The following HR variants were observed in gnomAD, a reference collection of about 807,000 sequenced individuals.
The protein encoded by HR is HR lysine demethylase and nuclear receptor corepressor, also known as lysine-specific demethylase hairless.
Under a neutral mutation model 128.6 loss-of-function variants are expected in HR, and 83 were observed. That is an observed-to-expected ratio of 0.65 (90% confidence interval 0.54 to 0.77). HR has a LOEUF of 0.77. HR is among the 30% of genes least tolerant of loss of function. The pLI, the probability that HR is intolerant of heterozygous loss-of-function variation, is 0.00. For synonymous variants in HR, 681 were observed against 658.2 expected (o/e 1.03, Z -0.53); for missense variants, 1,490 against 1,574.6 (o/e 0.95, Z 0.91).
chr8:22,122,759 C>T, intron 7 of HR, 31 bp downstream of exon 7: 2 of 1,545,376 alleles, frequency 1.3e-6, no homozygotes, highest in Non-Finnish European at 1.7e-6. Flanking sequence ...GACCCAACCT[C>T]TGCACGCCCC....
rs1178210332 is a variant in HR, at chr8:22,118,978, G to C, written c.3185C>G (p.Ala1062Gly). Residue 1062 changes from alanine to glycine, a missense_variant, in exon 16 of 19, where the codon GCC becomes GGC. This residue lies in a region of HR where 423 missense variants were observed against 495.9 expected (regional missense o/e 0.85). Transcript: ENST00000381418. ...TVWHVFRAQD[A>G]QRIRRFLQMV... ...CTGGAGAAAGCGGCGGATGCGCTGG[G>C]CGTCCTGTGCCCGGAACACGTGCCA... is the stretch of plus-strand genomic sequence containing the variant. 1.2e-6 allele frequency: 2 copies of C among 1,612,170 alleles called. No individual in the cohort carries two copies. Among genetic ancestry groups the C allele is most frequent in the Admixed American group, 3.3e-5 (2 of 60,026 alleles).
rs1316941082 is a variant in HR, at chr8:22,121,282, T to C, written c.2204-54A>G. ...TCGCGTTTGGTCCCTCCTCTTCCCC[T>C]CGAGGCCCTCTTGCCCATGCTGCTC... On this transcript the variant is annotated intron_variant, in intron 9 of 18. Coordinates refer to ENST00000381418, the MANE Select transcript of HR (RefSeq NM_005144.5). 1.9e-6 allele frequency: 3 copies of C among 1,592,600 alleles called. No individual in the cohort carries two copies. The African/African-American group carries it at 4.0e-5, about 21-fold the overall frequency.
At position 22,116,439 on chromosome 8, in the gene HR, G is replaced by A. The variant is rs1214965174; in HGVS notation, c.3379-11C>T. The A allele has an allele frequency of 6.2e-7, 1 of 1,613,382 alleles. No homozygotes were observed. Among genetic ancestry groups the A allele is most frequent in the Non-Finnish European group, 8.5e-7 (1 of 1,179,756 alleles). ...CACCAGGCCCTGCACCTGTGTCGGG[G>A]GGACATGGACAGTGAGGCTCAAGAT... On this transcript the variant is annotated splice_polypyrimidine_tract_variant and intron_variant, in intron 17 of 18. Coordinates refer to ENST00000381418, the MANE Select transcript of HR (RefSeq NM_005144.5). This position sits in a 1 kb window ranked among gnomAD's most constrained non-coding sequence, Gnocchi z 4.2.
At chr8:22,119,967 G>A (rs1415162782) in intron 13 of HR, 77 bp from the exon 14 acceptor site, 7 of 1,607,446 alleles carry the variant, frequency 4.4e-6, no homozygotes, top group East Asian at 2.2e-5. Flanking sequence ...CCACCACCGG[G>A]GTAACTCCCA....
intron 14 of HR, 63 bp downstream of exon 14, chr8:22,119,697 C>T: frequency 1.3e-6 from 2 of 1,548,436 alleles, no homozygotes; most frequent in Non-Finnish European, 8.7e-7. Flanking sequence ...CGCTCGTGTG[C>T]CCCGAGATGA....
rs371579555 is a variant in HR, at chr8:22,121,643, C to A, written c.2173G>T (p.Asp725Tyr). The A allele has an allele frequency of 5.6e-6, 9 of 1,613,996 alleles. No homozygotes were observed. Among genetic ancestry groups the A allele is most frequent in the Non-Finnish European group, 7.6e-6 (9 of 1,180,032 alleles). The change falls in exon 9 of 19, where the codon GAC becomes TAC. Residue 725 changes from aspartate to tyrosine, a missense_variant. Transcript: ENST00000381418. ...PPTPQPSCNGDTHRTKSIKEE... is the reference protein window; with the variant it reads ...PPTPQPSCNGYTHRTKSIKEE... ...TTGATGCTCTTGGTCCTGTGGGTGT[C>A]GCCATTGCAGGAAGGTTGTGGAGTT...
rs759533044 is a variant in HR, at chr8:22,128,505, C to T, written c.612+54G>A. 51 of 1,607,832 alleles carry T rather than the reference C, an allele frequency of 3.2e-5. No homozygotes were observed. The Middle Eastern group carries it at 8.2e-4, about 26-fold the overall frequency. ...AGTGGAAGGGCATCTTGGGGACCAC[C>T]GAGCAACTTTGCTAGGCCAGAGCCA... On this transcript the variant is annotated intron_variant, in intron 2 of 18. Transcript: ENST00000381418.
intron 6 of HR, 32 bp downstream of exon 6, chr8:22,123,617 T>TCCACCCCC: frequency 6.8e-6 from 2 of 292,092 alleles, no homozygotes; most frequent in South Asian, 3.0e-5. Flanking sequence ...GAGGGCTCCA[T>TCCACCCCC]CCCGCCCTCC....
At position 22,120,440 on chromosome 8, in the gene HR, G is replaced by T. The variant is rs748645922; in HGVS notation, c.2678C>A (p.Ala893Glu). Residue 893 changes from alanine (A) to glutamate (E), a missense_variant, in exon 12 of 19, where the codon GCA becomes GAA. By Grantham distance (107) the Ala-to-Glu change is moderately radical (BLOSUM62 -1). Around this residue, in one of 3 missense-constraint regions of HR, gnomAD observed 423 missense variants for 495.9 expected, o/e 0.85. Transcript: ENST00000381418. ...GNLWGTEALG[A>E]LGGQVQALSP... Reference sequence around the variant, plus strand: ...CAGCGCCTGCACCTGGCCTCCAAGTGCCCCAAGAGCTTCTGTCCCCCACAG... The same window carrying T: ...CAGCGCCTGCACCTGGCCTCCAAGTTCCCCAAGAGCTTCTGTCCCCCACAG... The T allele has an allele frequency of 3.1e-6, 5 of 1,613,936 alleles. No homozygotes were observed. The highest frequency in any genetic ancestry group is 4.2e-6 in the Non-Finnish European group (5 of 1,180,036).
At position 22,125,638 on chromosome 8, in the gene HR, A is replaced by G; in HGVS notation, c.1500T>C (p.Cys500=). The stretch of plus-strand genomic sequence containing the variant: ...CTCCTCCCTCTCCAGCTGCCTGGGC[A>G]CAACTTTGGCATTGAGCCAGTTTTG... ...LPAKLAQCQS[C]AQAAGEGGGH... Residue 500 remains cysteine (C), a synonymous_variant, in exon 4 of 19, where the codon TGT becomes TGC. Transcript: ENST00000381418. 6.2e-7 allele frequency: 1 copy of G among 1,611,858 alleles called. No homozygotes were observed. Among genetic ancestry groups the G allele is most frequent in the Non-Finnish European group, 8.5e-7 (1 of 1,179,312 alleles).
Position 22,122,806 on chromosome 8 carries a change from C to T in HR, c.1989G>A (p.Gln663=). ...ATGGCTCACCCTGGCTGGAGACAAA[C>T]TGGGTCAGCATCAGGGAACAGGCAG... is the stretch of plus-strand genomic sequence containing the variant. ...GHAACSLMLT[Q]FVSSQALAEL... is the part of the protein sequence containing the mutation. Residue 663 remains glutamine, a synonymous_variant, in exon 7 of 19, where the codon CAG becomes CAA. Transcript: ENST00000381418. 6.4e-7 allele frequency: 1 copy of T among 1,554,480 alleles called. No individual in the cohort carries two copies. The highest frequency in any genetic ancestry group is 1.2e-5 in the South Asian group (1 of 84,212).
In HR at chr8:22,120,418, C is replaced by T. The variant is rs780149768; in HGVS notation, c.2700G>A (p.Ala900=). 76 of 1,613,860 alleles carry T rather than the reference C, an allele frequency of 4.7e-5. No homozygotes were observed. Among genetic ancestry groups the T allele is most frequent in the Admixed American group, 5.0e-5 (3 of 60,014 alleles). The change falls in exon 12 of 19, where the codon GCG becomes GCA. Residue 900 remains alanine (A), a synonymous_variant. Transcript: ENST00000381418. ...ALGALGGQVQ[A]LSPLGPPQPS... is the part of the protein sequence containing the mutation. ...GCTGGGGAGGTCCGAGGGGGCTCAG[C>T]GCCTGCACCTGGCCTCCAAGTGCCC... is the stretch of plus-strand genomic sequence containing the variant.
At position 22,127,351 on chromosome 8, in the gene HR, T is replaced by C. The variant is rs1404221729; in HGVS notation, c.1091A>G (p.Lys364Arg). 6.2e-7 allele frequency: 1 copy of C among 1,613,350 alleles called. No homozygotes were observed. The highest frequency in any genetic ancestry group is 1.1e-5 in the South Asian group (1 of 91,088). The change falls in exon 3 of 19, where the codon AAG (lysine) becomes AGG (arginine). Residue 364 changes from lysine to arginine, a missense_variant. Lys to Arg is a conservative substitution (Grantham distance 26). Transcript: ENST00000381418. The stretch of plus-strand genomic sequence containing the variant: ...GGGACAGGCCCTGGGGCCAGAGGCC[T>C]TGTTCACTTCCTCGCTGGGTTCGCT... Reference protein sequence around the residue: ...GASEPSEEVNKASGPRACPPS... With the variant: ...GASEPSEEVNRASGPRACPPS...
At position 22,120,388 on chromosome 8, in the gene HR, G is replaced by T; in HGVS notation, c.2730C>A (p.Ser910Arg). 1 of 1,613,970 alleles carries T rather than the reference G, an allele frequency of 6.2e-7. No homozygotes were observed. The highest frequency in any genetic ancestry group is 1.1e-5 in the South Asian group (1 of 91,090). Residue 910 changes from serine to arginine, a missense_variant, in exon 12 of 19, where the codon AGC (serine) becomes AGA (arginine). Ser to Arg is a moderately radical substitution (Grantham distance 110, BLOSUM62 -1). Coordinates refer to ENST00000381418, the MANE Select transcript of HR (RefSeq NM_005144.5). ...CCCAGAATGTTGTGCTGCCCAGGCTGCTGGGCTGGGGAGGTCCGAGGGGGC... is the reference window on the plus strand; with the variant it reads ...CCCAGAATGTTGTGCTGCCCAGGCTTCTGGGCTGGGGAGGTCCGAGGGGGC... ...ALSPLGPPQPSSLGSTTFWEG... is the reference protein window; with the variant it reads ...ALSPLGPPQPRSLGSTTFWEG...
In HR at chr8:22,116,490, G is replaced by C; in HGVS notation, c.3379-62C>G. On this transcript the variant is annotated intron_variant, in intron 17 of 18. Transcript: ENST00000381418. The surrounding 1 kb of genome is among the most constrained non-coding windows in gnomAD (Gnocchi z 4.2). ...CACACATCCTCTCCCTGTCCCCCTG[G>C]TCCCTGAGGTTCGCTTCCTCTAATG... 6.3e-7 allele frequency: 1 copy of C among 1,577,738 alleles called. No homozygotes were observed. The highest frequency in any genetic ancestry group is 8.6e-7 in the Non-Finnish European group (1 of 1,161,728).
At chr8:22,118,879 A>G in intron 16 of HR, 71 bp downstream of exon 16, 16 of 1,332,766 alleles carry the variant, frequency 1.2e-5, no homozygotes, top group East Asian at 2.3e-5. Context: ...GGGACCGCAC[A>G]CTGGGGTGGG....
intron 11 of HR, 58 bp from the exon 12 acceptor site, chr8:22,120,565 A>G: frequency 6.2e-7 from 1 of 1,606,930 alleles, no homozygotes; most frequent in Non-Finnish European, 8.5e-7. Flanking sequence ...CGCCATGGCC[A>G]GGCAAGGGCG....
Position 22,116,202 on chromosome 8 carries a change from G to T in HR, c.3507+98C>A. On this transcript the variant is annotated intron_variant, in intron 18 of 18. Coordinates refer to ENST00000381418, the MANE Select transcript of HR (RefSeq NM_005144.5). This position sits in a 1 kb window ranked among gnomAD's most constrained non-coding sequence, Gnocchi z 4.2. ...CCCTGCACAGGGTGGCTGCCTGCTT[G>T]GCACAGGGTGGGATCTGCTATGTCC... 1.3e-6 allele frequency: 2 copies of T among 1,552,252 alleles called. No individual in the cohort carries two copies. The highest frequency in any genetic ancestry group is 1.8e-6 in the Non-Finnish European group (2 of 1,128,658).
At position 22,127,135 on chromosome 8, in the gene HR, G is replaced by T; in HGVS notation, c.1307C>A (p.Pro436Gln). Residue 436 changes from proline to glutamine, a missense_variant, in exon 3 of 19, where the codon CCA becomes CAA. Pro to Gln is a moderately conservative substitution (Grantham distance 76). Coordinates refer to ENST00000381418, the MANE Select transcript of HR (RefSeq NM_005144.5). ...PAPKRPPDPFPGTAEQGAGGW... is the reference protein window; with the variant it reads ...PAPKRPPDPFQGTAEQGAGGW... ...CCCAGCCCCCTGTTCTGCAGTGCCTGGAAAAGGGTCCGGTGGCCGCTTGGG... is the reference window on the plus strand; with the variant it reads ...CCCAGCCCCCTGTTCTGCAGTGCCTTGAAAAGGGTCCGGTGGCCGCTTGGG... 1.9e-6 allele frequency: 3 copies of T among 1,612,134 alleles called. No individual in the cohort carries two copies. Among genetic ancestry groups the T allele is most frequent in the Non-Finnish European group, 2.5e-6 (3 of 1,179,436 alleles).
Sources: gnomAD v4.1 joint callset for allele counts on GRCh38, gnomAD v4.1.1 for gene constraint, gnomAD v4.1.1 regional missense constraint, Gnocchi (gnomAD v3.1) non-coding constraint, MANE v1.5 for transcripts, NCBI Gene and HGNC (gene_info 2026-07-23, HGNC 2026-07-21) for gene names.